Variants in BCLAF1 observed in about 807,000 individuals in gnomAD.
BCLAF1 encodes the protein BCL2 associated transcription factor 1.
A neutral mutation model predicts 99.5 loss-of-function variants in BCLAF1; 10 were observed. The ratio of observed to expected loss-of-function variants is 0.10; its 90% CI spans 0.06 to 0.17. The LOEUF (loss-of-function observed/expected upper bound fraction) is 0.17. Ranked by LOEUF, BCLAF1 falls within the 10% of genes least tolerant of loss-of-function variation. The pLI, the probability that BCLAF1 is intolerant of heterozygous loss-of-function variation, is 1.00. For missense variants in BCLAF1, 636 were observed against 1,105.8 expected, an observed-to-expected ratio of 0.58 and a Z score of 6.02; for synonymous variants, 255 against 370.9, an observed-to-expected ratio of 0.69 and a Z score of 3.59.
intron 9 of BCLAF1, chr6:136,268,985 T>C (rs370315239): frequency 6.7e-6 from 3 of 448,794 alleles, no homozygotes; most frequent in East Asian, 2.3e-4. Flanking sequence ...CAAGGAAATA[T>C]TATTTTGAAA....
intron 3 of BCLAF1, among the ~76,000 whole-genome samples, chr6:136,278,994 A>ACACACACAC (rs1554219524): frequency 2.1e-5 from 3 of 145,406 alleles, no homozygotes; most frequent in Non-Finnish European, 4.5e-5. Context: ...GAAGGCACAA[A>ACACACACAC]ACACACACAC....
At chr6:136,268,416 T>C (rs757464884) in intron 9 of BCLAF1, 77 bp from the exon 10 acceptor site, 2 of 1,333,362 alleles carry the variant, frequency 1.5e-6, no homozygotes, top group East Asian at 2.5e-5. Flanking sequence ...ACAGAAGAGA[T>C]ATTTTTCAAG....
intron 11 of BCLAF1, among the ~76,000 whole-genome samples, chr6:136,261,730 C>T (rs1781033293): frequency 6.6e-6 from 1 of 152,120 alleles, no homozygotes; most frequent in African/African-American, 2.4e-5. Flanking sequence ...TTTGGAAGAT[C>T]TCAACTGCTA....
In BCLAF1 at chr6:136,258,426, GACAAA is replaced by G. The variant is rs1562221570; in HGVS notation, c.*2679_*2683del. On this transcript the variant is annotated 3_prime_UTR_variant, in exon 13 of 13. Coordinates refer to ENST00000531224, the MANE Select transcript of BCLAF1 (RefSeq NM_014739.3). ...AAAACAAAAACAAAAACAAAAACAA[GACAAA>G]ACAAAAAAACAGTAAAGAAAGGTTT... 6.8e-6 allele frequency: 1 copy of G among 147,268 alleles called. No individual in the cohort carries two copies. Among genetic ancestry groups the G allele is most frequent in the African/African-American group, 2.5e-5 (1 of 39,718 alleles). 9.1% of individuals were successfully genotyped at this position (147,268 alleles called of 1,614,324 possible). A position where few individuals can be genotyped will look rare whatever the true frequency, so the allele number is the denominator to read the frequency against.
At chr6:136,275,349 T>C (rs148426401) in intron 6 of BCLAF1, among the ~76,000 whole-genome samples, 183 bp downstream of exon 6, 1 of 152,262 alleles carries the variant, frequency 6.6e-6, no homozygotes, top group Non-Finnish European at 1.5e-5. Context: ...TTAACTATCT[T>C]CATAAGTTTC....
chr6:136,277,200 G>GT (rs1645091002), intron 4 of BCLAF1, among the ~76,000 whole-genome samples: 1 of 152,130 alleles, frequency 6.6e-6, no homozygotes, highest in Non-Finnish European at 1.5e-5. Context: ...TTTAAACAAT[G>GT]TATCTGTTTC....
In BCLAF1 at chr6:136,267,049, T is replaced by C; in HGVS notation, c.2524A>G (p.Lys842Glu). 2 of 1,613,076 alleles carry C rather than the reference T, an allele frequency of 1.2e-6. No individual in the cohort carries two copies. The highest frequency in any genetic ancestry group is 1.7e-6 in the Non-Finnish European group (2 of 1,179,286). The change falls in exon 11 of 13, where the codon AAG (lysine) becomes GAG (glutamate). Residue 842 changes from lysine (K) to glutamate (E), a missense_variant. Coordinates refer to ENST00000531224, the MANE Select transcript of BCLAF1 (RefSeq NM_014739.3). ...CCCACCAAGAAGTACTTCTTGCTCT[T>C]TGGGGTATATTCTGGATCCCATTCC... ...EEEWDPEYTP[K>E]SKKYFLHDDR...
rs143746149 is a variant in BCLAF1 at position 136,278,025 on chromosome 6, G to A, written c.856C>T (p.Pro286Ser). The A allele has an allele frequency of 1.3e-6, 2 of 1,597,414 alleles. No homozygotes were observed. Among genetic ancestry groups the A allele is most frequent in the Non-Finnish European group, 8.5e-7 (1 of 1,169,866 alleles). ...TGATGAATTGGACTATTCTGAGAAG[G>A]ACTGTATCGACTAGATCCATTTCCA... The part of the protein sequence containing the change: ...SVGNGSSRYS[P>S]SQNSPIHHIP... Residue 286 changes from proline (P) to serine (S), a missense_variant, in exon 4 of 13, where the codon CCT becomes TCT. This residue lies in a region of BCLAF1 where 186 missense variants were observed against 275.3 expected (regional missense o/e 0.68). Transcript: ENST00000531224.
chr6:136,276,605 A>G, intron 4 of BCLAF1, 97 bp from the exon 5 acceptor site: 4 of 1,385,542 alleles, frequency 2.9e-6, no homozygotes, highest in Non-Finnish European at 3.8e-6. Flanking sequence ...CAGGACCAGC[A>G]AGAGAGAAAA....
chr6:136,276,580 T>C (rs1465778052), intron 4 of BCLAF1, 72 bp from the exon 5 acceptor site: 1 of 1,479,466 alleles, frequency 6.8e-7, no homozygotes, highest in African/African-American at 1.4e-5. Context: ...TATTTAAATG[T>C]GTTGCCCAAT....
At position 136,261,471 on chromosome 6, in the gene BCLAF1, C is replaced by T. The variant is rs1780992362; in HGVS notation, c.2551G>A (p.Asp851Asn). The T allele has an allele frequency of 6.2e-7, 1 of 1,612,438 alleles. No individual in the cohort carries two copies. The highest frequency in any genetic ancestry group is 8.5e-7 in the Non-Finnish European group (1 of 1,179,282). ...CAATAATCCACACCATCATCTCTGT[C>T]GTCATGCTACAGAAAGGTTAAAAAC... ...PKSKKYFLHD[D>N]RDDGVDYWAK... The change falls in exon 12 of 13, where the codon GAC (aspartate) becomes AAC (asparagine). Residue 851 changes from aspartate to asparagine, a missense_variant. By Grantham distance (23) the Asp-to-Asn change is conservative. Transcript: ENST00000531224.
intron 1 of BCLAF1, among the ~76,000 whole-genome samples, chr6:136,287,657 T>C (rs1023123985): frequency 2.6e-5 from 4 of 152,200 alleles, no homozygotes; most frequent in Non-Finnish European, 2.9e-5. Flanking sequence ...GTAGAACTGA[T>C]AAAACTTTTC....
intron 11 of BCLAF1, 151 bp from the exon 12 acceptor site, chr6:136,261,628 GA>G (rs1781016697): frequency 1.3e-6 from 1 of 786,752 alleles, no homozygotes; most frequent in Non-Finnish European, 1.9e-6. Context: ...CAGTAAAACT[GA>G]ATTTTTCAAC....
intron 6 of BCLAF1, among the ~76,000 whole-genome samples, chr6:136,274,719 T>C (rs1166294790): frequency 2.0e-5 from 3 of 152,078 alleles, no homozygotes; most frequent in Admixed American, 6.6e-5. Context: ...TGTCTCATAG[T>C]AAGTTGCTTT....
In BCLAF1 at chr6:136,268,285, A is replaced by T. The variant is rs769096933; in HGVS notation, c.2274T>A (p.Pro758=). ...TTTCTTCTCGAGAACTGGGAGAAGAAGGTGATGCTGAAGAGGATGAAGATC... is the reference window on the plus strand; with the variant it reads ...TTTCTTCTCGAGAACTGGGAGAAGATGGTGATGCTGAAGAGGATGAAGATC... The part of the protein sequence containing the change: ...HSRSSSSSAS[P]SSPSSREEKE... Residue 758 remains proline, a synonymous_variant, in exon 10 of 13, where the codon CCT becomes CCA. Coordinates refer to ENST00000531224, the MANE Select transcript of BCLAF1 (RefSeq NM_014739.3). 1.7e-5 allele frequency: 27 copies of T among 1,606,350 alleles called. No homozygotes were observed. The highest frequency in any genetic ancestry group is 1.1e-4 in the South Asian group (10 of 89,846).
Position 136,257,817 on chromosome 6 carries a change from T to C in BCLAF1, c.*3293A>G, listed in dbSNP as rs529340928. The C allele has an allele frequency of 1.5e-4, 23 of 152,172 alleles. No individual in the cohort carries two copies. The highest frequency in any genetic ancestry group is 9.8e-4 in the Admixed American group (15 of 15,288). The allele number at this position is 152,172 out of a possible 1,614,324, so 9.4% of individuals were successfully genotyped here. On this transcript the variant is annotated 3_prime_UTR_variant, in exon 13 of 13. Transcript: ENST00000531224. ...CTTTCTGGATGTGAAAGTCTATTATTCCACAAGGAAACTTAAGGTACATCC... is the reference window on the plus strand; with the variant it reads ...CTTTCTGGATGTGAAAGTCTATTATCCCACAAGGAAACTTAAGGTACATCC...
chr6:136,277,793 G>T, intron 4 of BCLAF1, 72 bp downstream of exon 4: 1 of 1,489,836 alleles, frequency 6.7e-7, no homozygotes, highest in East Asian at 2.4e-5. Flanking sequence ...ACAATTTTAC[G>T]TTTATAATTC....
intron 1 of BCLAF1, among the ~76,000 whole-genome samples, chr6:136,282,989 A>G (rs935078509): frequency 1.3e-5 from 2 of 151,910 alleles, no homozygotes; most frequent in Non-Finnish European, 2.9e-5. Flanking sequence ...GAAAATTCCA[A>G]CGTAGCTAAC....
At chr6:136,266,042 A>G (rs976918389) in intron 11 of BCLAF1, among the ~76,000 whole-genome samples, 1 of 152,086 alleles carries the variant, frequency 6.6e-6, no homozygotes, top group African/African-American at 2.4e-5. Context: ...CGCACTCTGT[A>G]ACTTTTTTTT....
Sources: gnomAD v4.1 joint callset for allele counts (sites outside exome capture counted in the v4.1 genomes callset) on GRCh38, gnomAD v4.1.1 for gene constraint, gnomAD v4.1.1 regional missense constraint, MANE v1.5 for transcripts, NCBI Gene and HGNC (gene_info 2026-07-23, HGNC 2026-07-21) for gene names.